KIF26B: variants seen among roughly 807,000 people sequenced by gnomAD.
KIF26B encodes the protein kinesin-like protein KIF26B.
A neutral mutation model predicts 151.2 loss-of-function variants in KIF26B; 63 were observed. The ratio of observed to expected loss-of-function variants is 0.42; its 90% CI spans 0.34 to 0.51. KIF26B has a LOEUF of 0.51. KIF26B is among the 20% of genes least tolerant of loss of function. The pLI is 0.07. For synonymous variants in KIF26B, 1,357 were observed against 1,262.1 expected, an observed-to-expected ratio of 1.08 and a Z score of -1.59; for missense variants, 2,813 against 2,913.6, an observed-to-expected ratio of 0.97 and a Z score of 0.79.
chr1:245,198,780 G>A (rs929694377), intron 2 of KIF26B, among the ~76,000 whole-genome samples: 1 of 151,484 alleles, frequency 6.6e-6, no homozygotes, highest in Admixed American at 6.6e-5. Context: ...TACAGTCAGG[G>A]TGTGGGCAGA....
chr1:245,259,934 CAA>C (rs35913005), intron 2 of KIF26B, among the ~76,000 whole-genome samples: 1,453 of 72,000 alleles, frequency 0.02, 22 homozygotes, highest in East Asian at 0.13. Context: ...GGTCCTGTCT[CAA>C]AAAAAAAAAA....
chr1:245,636,276 G>A (rs2043832976), intron 9 of KIF26B, among the ~76,000 whole-genome samples: 1 of 151,854 alleles, frequency 6.6e-6, no homozygotes, highest in African/African-American at 2.4e-5. Context: ...TGTTCTTCAT[G>A]GATTAGAACA....
At chr1:245,205,085 C>T (rs1669375781) in intron 2 of KIF26B, among the ~76,000 whole-genome samples, 1 of 152,072 alleles carries the variant, frequency 6.6e-6, no homozygotes, top group South Asian at 2.1e-4. Context: ...TGTGCTGGGC[C>T]TTGTTTCTTA....
intron 12 of KIF26B, among the ~76,000 whole-genome samples, chr1:245,694,823 C>T (rs10924307): frequency 0.63 from 95,707 of 151,648 alleles, 31,947 homozygotes; most frequent in Middle Eastern, 0.78. Context: ...TGCGGTAAAT[C>T]CATGTCGGCA....
chr1:245,416,112 C>CAAAAAAAAAAAAAAAA (rs375247191), intron 3 of KIF26B, among the ~76,000 whole-genome samples: 1 of 124,878 alleles, frequency 8.0e-6, no homozygotes, highest in African/African-American at 3.0e-5. Flanking sequence ...AGTAAAAATA[C>CAAAAAAAAAAAAAAAA]AAAAAAAAAA....
At chr1:245,419,540 G>C (rs1197738006) in intron 3 of KIF26B, 39 bp from the exon 4 acceptor site, 1 of 1,568,882 alleles carries the variant, frequency 6.4e-7, no homozygotes, top group Non-Finnish European at 8.7e-7. Flanking sequence ...AAAGCAGTGA[G>C]CCACAGGTAA....
chr1:245,168,464 C>CT (rs574880235), intron 2 of KIF26B, among the ~76,000 whole-genome samples: 78 of 152,074 alleles, frequency 5.1e-4, no homozygotes, highest in Middle Eastern at 3.2e-3. Context: ...AACAAAAGGA[C>CT]AATTGATTCT....
Position 245,443,977 on chromosome 1 carries a change from G to A in KIF26B, c.1166+24232G>A, listed in dbSNP as rs1391542558. Among the ~76,000 whole-genome samples the A allele has an allele frequency of 1.8e-4, 25 of 137,068 alleles. No individual in the cohort carries two copies. The East Asian group carries it at 5.1e-3, about 28-fold the overall frequency. The allele number at this position is 137,068 out of a possible 152,430, so 89.9% of individuals were successfully genotyped here. On this transcript the variant is annotated intron_variant, in intron 4 of 14. Transcript: ENST00000407071. The stretch of plus-strand genomic sequence containing the variant: ...ATCTCCCTCACTGTTCACCTAGAGC[G>A]GTCATCTCCCTCACTGTTCACCTAG...
Position 245,702,433 on chromosome 1 carries a change from C to CCAT in KIF26B, c.6179-22_6179-20dup, listed in dbSNP as rs747354756. ...TTCTCACCCTGTTTGCTCTGCGTCTCCATCAGGCTCTTCCTCTCTTGCAGT... is the reference window on the plus strand; with the variant it reads ...TTCTCACCCTGTTTGCTCTGCGTCTCCATCATCAGGCTCTTCCTCTCTTGCAGT... On this transcript the variant is annotated intron_variant, in intron 14 of 14. Transcript: ENST00000407071. The surrounding 1 kb of genome is among the most constrained non-coding windows in gnomAD (Gnocchi z 4.1). 3.9e-4 allele frequency: 632 copies of CCAT among 1,613,436 alleles called. 1 individual carries two copies. Among genetic ancestry groups the CCAT allele is most frequent in the Non-Finnish European group, 5.0e-4 (587 of 1,179,536 alleles).
intron 3 of KIF26B, among the ~76,000 whole-genome samples, chr1:245,393,792 T>C (rs1673756723): frequency 6.6e-6 from 1 of 152,220 alleles, no homozygotes; most frequent in Admixed American, 6.5e-5. Flanking sequence ...AAACTTTGAC[T>C]CAGCCCCCTT....
At chr1:245,387,529 A>T (rs369634516) in intron 3 of KIF26B, among the ~76,000 whole-genome samples, 25 of 152,220 alleles carry the variant, frequency 1.6e-4, no homozygotes, top group African/African-American at 5.8e-4. Context: ...CAAGAACCTG[A>T]CTATCAAAAA....
intron 2 of KIF26B, among the ~76,000 whole-genome samples, chr1:245,278,108 A>G (rs1670970678): frequency 1.3e-5 from 2 of 152,128 alleles, no homozygotes; most frequent in South Asian, 4.1e-4. Context: ...GAGGTGGCAT[A>G]ATAACAAAAG....
intron 5 of KIF26B, among the ~76,000 whole-genome samples, chr1:245,569,331 C>G (rs1016163268): frequency 2.6e-5 from 4 of 151,992 alleles, no homozygotes; most frequent in African/African-American, 9.7e-5. Context: ...AGTCAAGAAG[C>G]CTTTGATTGG....
At position 245,560,029 on chromosome 1, in the gene KIF26B, T is replaced by A. The variant is rs754105445; in HGVS notation, c.1350+19079T>A. On this transcript the variant is annotated intron_variant, in intron 5 of 14. Transcript: ENST00000407071. The surrounding 1 kb of genome is among the most constrained non-coding windows in gnomAD (Gnocchi z 4.3). The stretch of plus-strand genomic sequence containing the variant: ...AGGGATGCTCGTCTCTCATTCGTTT[T>A]TTTGGCGTGGAAACACGCTGCTCAG... Among the ~76,000 whole-genome samples, 11 of 152,162 alleles carry A rather than the reference T, an allele frequency of 7.2e-5. No individual in the cohort carries two copies. Among genetic ancestry groups the A allele is most frequent in the Non-Finnish European group, 1.3e-4 (9 of 68,028 alleles).
intron 2 of KIF26B, among the ~76,000 whole-genome samples, chr1:245,326,330 A>C (rs1372083729): frequency 6.6e-6 from 1 of 152,198 alleles, no homozygotes. Flanking sequence ...ATGATTTACT[A>C]GGTGGGTTAT....
chr1:245,554,966 G>T (rs1661984334), intron 5 of KIF26B, among the ~76,000 whole-genome samples: 1 of 152,220 alleles, frequency 6.6e-6, no homozygotes, highest in South Asian at 2.1e-4. Context: ...CTCTGTGCCA[G>T]GCTGAAGCGA....
At chr1:245,294,039 G>C (rs939145249) in intron 2 of KIF26B, among the ~76,000 whole-genome samples, 2 of 152,206 alleles carry the variant, frequency 1.3e-5, no homozygotes, top group Non-Finnish European at 2.9e-5. Context: ...AAGTCTGTTT[G>C]ACTGTTTTGA....
At chr1:245,647,242 G>A (rs1042231701) in intron 10 of KIF26B, among the ~76,000 whole-genome samples, 26 of 151,774 alleles carry the variant, frequency 1.7e-4, no homozygotes, top group African/African-American at 6.1e-4. Flanking sequence ...TGGCTAACAC[G>A]GTGAAACCCC....
In KIF26B at chr1:245,419,601, G is replaced by A. The variant is rs1418052529; in HGVS notation, c.1022G>A (p.Ser341Asn). Residue 341 changes from serine (S) to asparagine (N), a missense_variant, in exon 4 of 15, where the codon AGT becomes AAT. Around this residue, in one of 3 missense-constraint regions of KIF26B, gnomAD observed 676 missense variants for 688.1 expected, o/e 0.98. Coordinates refer to ENST00000407071, the MANE Select transcript of KIF26B (RefSeq NM_018012.4). ...CAGATCTCCCAGCTGATGACAGAGA[G>A]TAGCCGGGAGGGACTAACAGAAGCA... ...PYQISQLMTE[S>N]SREGLTEAVL... 9 of 1,611,596 alleles carry A rather than the reference G, an allele frequency of 5.6e-6. No homozygotes were observed. Among genetic ancestry groups the A allele is most frequent in the Non-Finnish European group, 7.6e-6 (9 of 1,178,640 alleles).
Sources: gnomAD v4.1 joint callset for allele counts (sites outside exome capture counted in the v4.1 genomes callset) on GRCh38, gnomAD v4.1.1 for gene constraint, gnomAD v4.1.1 regional missense constraint, Gnocchi (gnomAD v3.1) non-coding constraint, MANE v1.5 for transcripts, NCBI Gene and HGNC (gene_info 2026-07-23, HGNC 2026-07-21) for gene names.